The following UNC13C variants were observed in gnomAD, a reference collection of about 807,000 sequenced individuals.
UNC13C encodes unc-13 homolog C.
In UNC13C, 174 loss-of-function variants were observed where a neutral mutation model predicts 245.4. The ratio of observed to expected loss-of-function variants is 0.71; its 90% CI spans 0.63 to 0.80. UNC13C has a LOEUF of 0.80. UNC13C is among the 30% of genes least tolerant of loss of function. The pLI is 0.00. For synonymous variants in UNC13C, 992 were observed against 895.1 expected (o/e 1.11, Z -1.93); for missense variants, 2,829 against 2,602.9 (o/e 1.09, Z -1.89).
chr15:54,163,450 C>T (rs1332475793), intron 4 of UNC13C, among the ~76,000 whole-genome samples: 2 of 152,106 alleles, frequency 1.3e-5, no homozygotes, highest in African/African-American at 4.8e-5. Context: ...TTTGTTACAG[C>T]AGCAATGGTA....
At chr15:54,478,480 G>A (rs1190148989) in intron 19 of UNC13C, among the ~76,000 whole-genome samples, 1 of 146,436 alleles carries the variant, frequency 6.8e-6, no homozygotes, top group Non-Finnish European at 1.5e-5. Flanking sequence ...ACACTACTTT[G>A]AATGTGTCTC....
the UNC13C span, among the ~76,000 whole-genome samples, chr15:53,845,716 T>G: frequency 6.6e-6 from 1 of 152,290 alleles, no homozygotes; most frequent in South Asian, 2.1e-4. Flanking sequence ...ATTCAGTCCA[T>G]GAAGTGGTAC....
intron 20 of UNC13C, among the ~76,000 whole-genome samples, chr15:54,497,221 CA>C (rs898787723): frequency 2.6e-5 from 4 of 152,028 alleles, no homozygotes; most frequent in Non-Finnish European, 5.9e-5. Context: ...ACAACAAAGG[CA>C]ACCAGGACTT....
At chr15:54,137,255 A>G (rs1227055438) in intron 2 of UNC13C, among the ~76,000 whole-genome samples, 2 of 152,132 alleles carry the variant, frequency 1.3e-5, no homozygotes, top group African/African-American at 4.8e-5. Context: ...GTTTGTTAGC[A>G]TTTTGTTGAA....
intron 2 of UNC13C, among the ~76,000 whole-genome samples, chr15:54,094,008 A>T (rs960819670): frequency 1.6e-4 from 6 of 37,672 alleles, no homozygotes. Context: ...TTCATTTCCA[A>T]GAAGGTGTGC....
intron 17 of UNC13C, among the ~76,000 whole-genome samples, chr15:54,382,135 C>A (rs1344116144): frequency 6.6e-6 from 1 of 152,112 alleles, no homozygotes; most frequent in Non-Finnish European, 1.5e-5. Flanking sequence ...ACAACACACT[C>A]CTGAATGACC....
intron 2 of UNC13C, among the ~76,000 whole-genome samples, chr15:54,083,318 C>T (rs1899056386): frequency 6.6e-6 from 1 of 152,140 alleles, no homozygotes; most frequent in Admixed American, 6.5e-5. Flanking sequence ...CCTCTGGCAG[C>T]GACCACCAAA....
chr15:54,216,253 C>T (rs1190387558), intron 4 of UNC13C, among the ~76,000 whole-genome samples: 7 of 151,878 alleles, frequency 4.6e-5, no homozygotes, highest in South Asian at 2.1e-4. Flanking sequence ...TTATTTTCTT[C>T]GCAGCTCATT....
intron 26 of UNC13C, among the ~76,000 whole-genome samples, chr15:54,546,277 C>T (rs765441406): frequency 8.5e-5 from 13 of 152,126 alleles, no homozygotes; most frequent in African/African-American, 2.4e-4. Flanking sequence ...AATGAGAACA[C>T]GTGGACACAG....
At chr15:54,499,529 G>A (rs1246569092) in intron 20 of UNC13C, among the ~76,000 whole-genome samples, 1 of 152,052 alleles carries the variant, frequency 6.6e-6, no homozygotes, top group African/African-American at 2.4e-5. Flanking sequence ...TGCGGTGGGG[G>A]AATAAAGGGT....
chr15:54,399,342 A>G (rs2040134414), intron 18 of UNC13C, among the ~76,000 whole-genome samples: 1 of 151,780 alleles, frequency 6.6e-6, no homozygotes, highest in Non-Finnish European at 1.5e-5. Context: ...GATTAAATAC[A>G]TAATGTAGAG....
chr15:53,916,498 G>A, the UNC13C span, among the ~76,000 whole-genome samples: 4 of 152,206 alleles, frequency 2.6e-5, no homozygotes, highest in Non-Finnish European at 5.9e-5. Flanking sequence ...ACCAGAGAGA[G>A]AATGGGAAAG....
At chr15:54,501,055 G>C in intron 22 of UNC13C, 77 bp downstream of exon 22, 2 of 1,442,030 alleles carry the variant, frequency 1.4e-6, no homozygotes, top group Non-Finnish European at 1.9e-6. Context: ...TGTGGTGTTA[G>C]TCTTCTCTGT....
chr15:53,874,920 C>T, the UNC13C span, among the ~76,000 whole-genome samples: 1 of 152,048 alleles, frequency 6.6e-6, no homozygotes, highest in African/African-American at 2.4e-5. Flanking sequence ...ATAGTGAAAC[C>T]CCATCTCTAC....
chr15:54,264,147 C>T, intron 8 of UNC13C, 21 bp from the exon 9 acceptor site: 2 of 1,554,212 alleles, frequency 1.3e-6, no homozygotes, highest in Non-Finnish European at 1.7e-6. Context: ...ATTCACATCA[C>T]CATTGATGTT....
At chr15:53,994,290 A>C (rs1248909206) in intron 1 of UNC13C, among the ~76,000 whole-genome samples, 6 of 151,936 alleles carry the variant, frequency 3.9e-5, no homozygotes, top group African/African-American at 2.4e-5. Flanking sequence ...CTTTGCAGAA[A>C]ACTTTAAAAG....
intron 17 of UNC13C, among the ~76,000 whole-genome samples, chr15:54,347,650 A>C (rs959907156): frequency 6.6e-6 from 1 of 152,218 alleles, no homozygotes; most frequent in African/African-American, 2.4e-5. Flanking sequence ...GTGTTTTGCT[A>C]TAAGGCAGCA....
intron 4 of UNC13C, among the ~76,000 whole-genome samples, chr15:54,188,286 C>G (rs1419755530): frequency 1.3e-5 from 2 of 152,074 alleles, no homozygotes; most frequent in Non-Finnish European, 2.9e-5. Context: ...ACACACTGAC[C>G]TTGTTTTGGA....
At chr15:53,865,925 T>A in the UNC13C span, among the ~76,000 whole-genome samples, 10 of 152,048 alleles carry the variant, frequency 6.6e-5, no homozygotes, top group Non-Finnish European at 1.5e-4. Flanking sequence ...GTGAATAAAG[T>A]TCCCAGAGTA....
Sources: allele counts gnomAD v4.1 joint callset (sites outside exome capture counted in the v4.1 genomes callset), GRCh38; gene constraint gnomAD v4.1.1; transcripts MANE v1.5; gene names NCBI Gene and HGNC (gene_info 2026-07-23, HGNC 2026-07-21).